AMMECR1L: variants seen among roughly 807,000 people sequenced by gnomAD.
The protein encoded by AMMECR1L is AMMECR1 like.
Under a neutral mutation model 36.8 loss-of-function variants are expected in AMMECR1L, and 4 were observed. The observed-to-expected ratio is 0.11, with a 90% CI of 0.05 to 0.25. The LOEUF (loss-of-function observed/expected upper bound fraction) is 0.25. Among genes scored for constraint, AMMECR1L ranks in the 10% least tolerant of loss-of-function variants. The pLI, the probability that AMMECR1L is intolerant of heterozygous loss-of-function variation, is 1.00. For missense variants in AMMECR1L, 232 were observed against 392.1 expected, an observed-to-expected ratio of 0.59 and a Z score of 3.45; for synonymous variants, 147 against 148.0, an observed-to-expected ratio of 0.99 and a Z score of 0.05.
chr2:127,868,761 T>C (rs1690821764), intron 6 of AMMECR1L, among the ~76,000 whole-genome samples: 1 of 151,936 alleles, frequency 6.6e-6, no homozygotes, highest in South Asian at 2.1e-4. Context: ...AGGCTCGCTC[T>C]GTCACCAGGC....
chr2:127,874,298 T>A lies in AMMECR1L; in HGVS notation c.-38-26A>T. 1.9e-6 allele frequency: 3 copies of A among 1,576,154 alleles called. No individual in the cohort carries two copies. The highest frequency in any genetic ancestry group is 2.6e-6 in the Non-Finnish European group (3 of 1,164,940). On this transcript the variant is annotated intron_variant, in intron 2 of 7. Transcript: ENST00000272647. This position sits in a 1 kb window ranked among gnomAD's most constrained non-coding sequence, Gnocchi z 5.2. ...CTAACCAAAATGAGAAGTTAAGCAT[T>A]AATTTGACTGGTTAGTTAAAAGGAG... is the stretch of plus-strand genomic sequence containing the variant.
chr2:127,869,334 A>G lies in AMMECR1L; in HGVS notation c.724+120T>C. ...AGGAATTTGACAGGTATTAAGAGGC[A>G]GAAAGGCCCTCATTCTCAGCTGCAG... On this transcript the variant is annotated intron_variant, in intron 6 of 7. Transcript: ENST00000272647. The surrounding 1 kb of genome is among the most constrained non-coding windows in gnomAD (Gnocchi z 4.7). 1.1e-6 allele frequency: 1 copy of G among 937,130 alleles called. No homozygotes were observed. The highest frequency in any genetic ancestry group is 1.5e-5 in the South Asian group (1 of 68,046). The allele number at this position is 937,130 out of a possible 1,614,324, so 58.1% of individuals were successfully genotyped here.
chr2:127,868,986 A>G (rs1203420012), intron 6 of AMMECR1L, among the ~76,000 whole-genome samples: 1 of 152,066 alleles, frequency 6.6e-6, no homozygotes, highest in Non-Finnish European at 1.5e-5. Flanking sequence ...GCCTCCCAAA[A>G]TGCTGGGATT....
At chr2:127,883,102 T>TA (rs1491393024) in intron 2 of AMMECR1L, among the ~76,000 whole-genome samples, 56 of 109,714 alleles carry the variant, frequency 5.1e-4, no homozygotes, top group Non-Finnish European at 7.1e-5. Context: ...AAATTTCTTT[T>TA]CTTTTTTTTT....
intron 2 of AMMECR1L, among the ~76,000 whole-genome samples, chr2:127,876,783 C>A (rs536867951): frequency 7.2e-5 from 11 of 152,118 alleles, no homozygotes; most frequent in African/African-American, 2.6e-4. Flanking sequence ...TTTGGGAGGC[C>A]GAGGTGGGCG....
intron 6 of AMMECR1L, among the ~76,000 whole-genome samples, chr2:127,867,714 C>A (rs1000691840): frequency 6.6e-6 from 1 of 152,006 alleles, no homozygotes; most frequent in Non-Finnish European, 1.5e-5. Flanking sequence ...CCACCGCACT[C>A]CAGCCTGGGT....
chr2:127,868,726 TGA>T (rs999634920), intron 6 of AMMECR1L, among the ~76,000 whole-genome samples: 51 of 151,620 alleles, frequency 3.4e-4, no homozygotes, highest in Admixed American at 6.6e-5. Context: ...TATAGGCTAC[TGA>T]GTTTTTTTTT....
At chr2:127,879,536 C>T (rs1691397220) in intron 2 of AMMECR1L, among the ~76,000 whole-genome samples, 1 of 152,114 alleles carries the variant, frequency 6.6e-6, no homozygotes, top group South Asian at 2.1e-4. Flanking sequence ...AGTTACCAGT[C>T]CCAGGTATTT....
chr2:127,873,275 G>C lies in AMMECR1L; in HGVS notation c.407+553C>G. On this transcript the variant is annotated intron_variant, in intron 3 of 7. Transcript: ENST00000272647. This position sits in a 1 kb window ranked among gnomAD's most constrained non-coding sequence, Gnocchi z 5.2. ...AGTCACTGAGACCAGTAGAGGGCTT[G>C]GGACAAGCAACAAAGAATCTTGAAC... The C allele has an allele frequency of 4.1e-6, 4 of 985,482 alleles. No individual in the cohort carries two copies. Among genetic ancestry groups the C allele is most frequent in the Non-Finnish European group, 4.8e-6 (4 of 829,942 alleles). The allele number at this position is 985,482 out of a possible 1,614,324, so 61.0% of individuals were successfully genotyped here.
Position 127,874,045 on chromosome 2 carries a change from C to A in AMMECR1L, c.190G>T (p.Val64Leu), listed in dbSNP as rs1263634645. ...HVDSSSGREN[V>L]SDLTLGPGNS... ...CCAGGTCCCAGAGTTAAGTCTGACACATTCTCCCGTCCACTGCTGCTGTCC... is the reference window on the plus strand; with the variant it reads ...CCAGGTCCCAGAGTTAAGTCTGACAAATTCTCCCGTCCACTGCTGCTGTCC... Residue 64 changes from valine to leucine, a missense_variant, in exon 3 of 8, where the codon GTG becomes TTG. Val to Leu is a conservative substitution (Grantham distance 32). Around this residue, in one of 3 missense-constraint regions of AMMECR1L, gnomAD observed 109 missense variants for 128.1 expected, o/e 0.85. Transcript: ENST00000272647. This position sits in a 1 kb window ranked among gnomAD's most constrained non-coding sequence, Gnocchi z 5.2. 6.2e-7 allele frequency: 1 copy of A among 1,614,234 alleles called. No homozygotes were observed. The highest frequency in any genetic ancestry group is 1.3e-5 in the African/African-American group (1 of 75,056).
chr2:127,882,156 G>C (rs890877890), intron 2 of AMMECR1L, among the ~76,000 whole-genome samples: 1 of 152,152 alleles, frequency 6.6e-6, no homozygotes, highest in African/African-American at 2.4e-5. Context: ...GCCTAAAGGT[G>C]GGGGGAAAAA....
chr2:127,868,358 G>A (rs1326237395), intron 6 of AMMECR1L, among the ~76,000 whole-genome samples: 1 of 151,856 alleles, frequency 6.6e-6, no homozygotes, highest in African/African-American at 2.4e-5. Flanking sequence ...CTTGTACAGA[G>A]TGTGTTAGGT....
intron 2 of AMMECR1L, among the ~76,000 whole-genome samples, chr2:127,875,838 C>T (rs1691213671): frequency 1.3e-5 from 2 of 152,124 alleles, no homozygotes; most frequent in African/African-American, 4.8e-5. Context: ...CTGTCACCCA[C>T]CCTGGAGTGC....
rs1183462526 is a variant in AMMECR1L at position 127,864,839 on chromosome 2, A to G, written c.*255T>C. Reference sequence around the variant, plus strand: ...GAACCCACAGTAATTCCCACTAGTCATGGAGGAGCCCCAATCCAACGGAAC... The same window carrying G: ...GAACCCACAGTAATTCCCACTAGTCGTGGAGGAGCCCCAATCCAACGGAAC... On this transcript the variant is annotated 3_prime_UTR_variant, in exon 8 of 8. Coordinates refer to ENST00000272647, the MANE Select transcript of AMMECR1L (RefSeq NM_001199140.2). The G allele has an allele frequency of 6.5e-6, 2 of 305,688 alleles. No individual in the cohort carries two copies. Among genetic ancestry groups the G allele is most frequent in the Non-Finnish European group, 1.2e-5 (2 of 162,576 alleles). The allele number at this position is 305,688 out of a possible 1,614,324, so 18.9% of individuals were successfully genotyped here.
At chr2:127,879,615 TAAAC>T (rs767891401) in intron 2 of AMMECR1L, among the ~76,000 whole-genome samples, 2 of 152,312 alleles carry the variant, frequency 1.3e-5, no homozygotes, top group Middle Eastern at 3.4e-3. Context: ...GTGCTGGTAA[TAAAC>T]AAAGACTTCT....
intron 1 of AMMECR1L, chr2:127,885,161 A>G (rs1691700874): frequency 2.0e-6 from 2 of 985,188 alleles, no homozygotes; most frequent in South Asian, 9.4e-5. Context: ...AGGTTAAGGA[A>G]GGAGGGCCCA....
rs1307507329 is a variant in AMMECR1L at position 127,871,078 on chromosome 2, A to G, written c.519-150T>C. The stretch of plus-strand genomic sequence containing the variant: ...AACATGTTAAAAACAACTCGATGCT[A>G]TTAACTGTCTGTACTTGAACTGATA... On this transcript the variant is annotated intron_variant, in intron 4 of 7. Transcript: ENST00000272647. The surrounding 1 kb of genome is among the most constrained non-coding windows in gnomAD (Gnocchi z 4.3). 1.1e-6 allele frequency: 1 copy of G among 907,162 alleles called. No individual in the cohort carries two copies. Among genetic ancestry groups the G allele is most frequent in the Non-Finnish European group, 1.7e-6 (1 of 599,042 alleles). 56.2% of individuals were successfully genotyped at this position (907,162 alleles called of 1,614,324 possible). A position where few individuals can be genotyped will look rare whatever the true frequency, so the allele number is the denominator to read the frequency against.
intron 6 of AMMECR1L, among the ~76,000 whole-genome samples, chr2:127,868,870 A>G (rs909024636): frequency 4.0e-5 from 6 of 150,524 alleles, no homozygotes; most frequent in Non-Finnish European, 7.4e-5. Flanking sequence ...GTCTACAGGC[A>G]TGCACCACCA....
At chr2:127,875,414 G>C (rs911127015) in intron 2 of AMMECR1L, among the ~76,000 whole-genome samples, 9 of 152,252 alleles carry the variant, frequency 5.9e-5, no homozygotes, top group Non-Finnish European at 1.0e-4. Flanking sequence ...AGAGAGAAGA[G>C]AGATTTGCGC....
Sources: allele counts gnomAD v4.1 joint callset (sites outside exome capture counted in the v4.1 genomes callset), GRCh38; gene constraint gnomAD v4.1.1; regional missense constraint gnomAD v4.1.1; non-coding constraint Gnocchi (gnomAD v3.1); transcripts MANE v1.5; gene names NCBI Gene and HGNC (gene_info 2026-07-23, HGNC 2026-07-21).